The following CACNB4 variants were observed in gnomAD, a reference collection of about 807,000 sequenced individuals.
CACNB4 encodes calcium voltage-gated channel auxiliary subunit beta 4.
Under a neutral mutation model 71.2 loss-of-function variants are expected in CACNB4, and 32 were observed. The observed-to-expected ratio is 0.45, with a 90% CI of 0.34 to 0.60. The LOEUF (loss-of-function observed/expected upper bound fraction) is 0.60. CACNB4 is among the 20% of genes least tolerant of loss of function. The pLI is 0.01. For synonymous variants in CACNB4, 231 were observed against 236.9 expected, an observed-to-expected ratio of 0.97 and a Z score of 0.23; for missense variants, 464 against 647.9, an observed-to-expected ratio of 0.72 and a Z score of 3.08.
At chr2:151,870,654 C>G in intron 7 of CACNB4, 43 bp from the exon 8 acceptor site, 1 of 1,463,242 alleles carries the variant, frequency 6.8e-7, no homozygotes. Flanking sequence ...TGAGGTTGAG[C>G]ATGCCTCTCC....
chr2:151,964,069 GAAAAAA>G (rs397825547), intron 2 of CACNB4, among the ~76,000 whole-genome samples: 3 of 99,266 alleles, frequency 3.0e-5, no homozygotes, highest in Non-Finnish European at 5.5e-5. Flanking sequence ...CTGTCTCACA[GAAAAAA>G]AAAAAAAAAA....
At chr2:151,869,979 C>T (rs2151405001) in intron 8 of CACNB4, 1 of 525,900 alleles carries the variant, frequency 1.9e-6, no homozygotes, top group East Asian at 3.2e-5. Flanking sequence ...GAAGTCTCTA[C>T]TCTTTTCCTT....
chr2:151,948,964 T>C (rs778550584), intron 2 of CACNB4, among the ~76,000 whole-genome samples: 5 of 152,090 alleles, frequency 3.3e-5, no homozygotes, highest in Non-Finnish European at 5.9e-5. Context: ...CATTGGTATC[T>C]ACTTCCTGTC....
intron 2 of CACNB4, chr2:151,970,673 C>G (rs1441395165): frequency 6.6e-6 from 1 of 152,210 alleles, no homozygotes; most frequent in Non-Finnish European, 1.5e-5. Context: ...TCTTATATAG[C>G]AGCTAATGTA....
At chr2:151,926,425 A>G (rs1466934018) in intron 2 of CACNB4, among the ~76,000 whole-genome samples, 1 of 152,234 alleles carries the variant, frequency 6.6e-6, no homozygotes, top group East Asian at 1.9e-4. Flanking sequence ...GCCTGATCAG[A>G]GCAGACTCAA....
At chr2:152,044,937 G>GGGGAAAGAGAAGAT (rs1451291457) in intron 2 of CACNB4, among the ~76,000 whole-genome samples, 3 of 152,308 alleles carry the variant, frequency 2.0e-5, no homozygotes, top group Admixed American at 2.0e-4. Context: ...AATTGAAGCA[G>GGGGAAAGAGAAGAT]GGGAAAGAGA....
At chr2:151,935,543 T>A (rs1001184022) in intron 2 of CACNB4, among the ~76,000 whole-genome samples, 3 of 152,254 alleles carry the variant, frequency 2.0e-5, no homozygotes, top group Non-Finnish European at 4.4e-5. Flanking sequence ...AACCTGGTTA[T>A]CTGAACCTAG....
intron 2 of CACNB4, among the ~76,000 whole-genome samples, chr2:151,976,456 GA>G (rs1391624911): frequency 1.1e-4 from 17 of 152,102 alleles, no homozygotes; most frequent in Admixed American, 1.1e-3. Flanking sequence ...CTTTTTTGGG[GA>G]AATTCCTATT....
intron 2 of CACNB4, among the ~76,000 whole-genome samples, chr2:151,942,442 A>T (rs2099864493): frequency 6.7e-6 from 1 of 149,200 alleles, no homozygotes; most frequent in African/African-American, 2.6e-5. Context: ...TAACTGTACA[A>T]ATTGATTGTA....
rs530264086 is a variant in CACNB4 at position 152,092,122 on chromosome 2, T to C, written c.147+6208A>G. Among the ~76,000 whole-genome samples, 4 of 152,342 alleles carry C rather than the reference T, an allele frequency of 2.6e-5. No homozygotes were observed. The East Asian group carries it at 7.7e-4, about 29-fold the overall frequency. On this transcript the variant is annotated intron_variant, in intron 2 of 13. Transcript: ENST00000539935. ...ATCCCTTGTGTCTGTTCTACCATTA[T>C]CTATTGGTATGACCTTTATGTCCTT...
At chr2:151,860,396 T>G (rs1219739296) in intron 10 of CACNB4, 16 of 375,840 alleles carry the variant, frequency 4.3e-5, no homozygotes, top group Non-Finnish European at 6.3e-5. Context: ...ACAGATATCA[T>G]TAGCCTTGTT....
chr2:152,037,093 ATTCTTGCGGGGGCATAGG>A (rs1448882021), intron 2 of CACNB4, among the ~76,000 whole-genome samples: 1 of 152,164 alleles, frequency 6.6e-6, no homozygotes, highest in African/African-American at 2.4e-5. Context: ...AGGCCAGTTG[ATTCTTGCGGGGGCATAGG>A]TTCCCAAGCA....
chr2:152,054,345 G>A (rs1423294334), intron 2 of CACNB4, among the ~76,000 whole-genome samples: 2 of 130,540 alleles, frequency 1.5e-5, no homozygotes, highest in Non-Finnish European at 3.1e-5. Flanking sequence ...CAGCCTGGGC[G>A]ACAAAGCAAA....
rs191291820 is a variant in CACNB4, at chr2:152,026,542, G to A, written c.147+71788C>T. Among the ~76,000 whole-genome samples, 7 of 152,102 alleles carry A rather than the reference G, an allele frequency of 4.6e-5. No homozygotes were observed. The East Asian group carries it at 9.7e-4, about 21-fold the overall frequency. ...TGGGAATACAGGTGCATGCCACCACGCGCAGCTAATTTTTGTACTTTTAGC... is the reference window on the plus strand; with the variant it reads ...TGGGAATACAGGTGCATGCCACCACACGCAGCTAATTTTTGTACTTTTAGC... On this transcript the variant is annotated intron_variant, in intron 2 of 13. Coordinates refer to ENST00000539935, the MANE Select transcript of CACNB4 (RefSeq NM_000726.5).
At chr2:152,038,753 C>T (rs11691573) in intron 2 of CACNB4, among the ~76,000 whole-genome samples, 43,050 of 152,096 alleles carry the variant, frequency 0.28, 6,328 homozygotes, top group Middle Eastern at 0.43. Context: ...TGTGGCCACA[C>T]AGATGGGGAC....
At chr2:151,926,129 A>C (rs1035458544) in intron 2 of CACNB4, among the ~76,000 whole-genome samples, 3 of 152,184 alleles carry the variant, frequency 2.0e-5, no homozygotes, top group Non-Finnish European at 4.4e-5. Flanking sequence ...AAATGAAAGA[A>C]TGTATATAGG....
At chr2:152,068,530 G>A (rs1049733149) in intron 2 of CACNB4, among the ~76,000 whole-genome samples, 2 of 152,134 alleles carry the variant, frequency 1.3e-5, no homozygotes, top group African/African-American at 4.8e-5. Flanking sequence ...GCTACAAAAT[G>A]CTAAGTTGGA....
chr2:152,034,868 A>G (rs1188017254), intron 2 of CACNB4, among the ~76,000 whole-genome samples: 1 of 152,140 alleles, frequency 6.6e-6, no homozygotes, highest in Admixed American at 6.5e-5. Context: ...ACTGGTTTCA[A>G]CTTTCTATTC....
intron 2 of CACNB4, among the ~76,000 whole-genome samples, chr2:151,985,536 AC>A (rs1386250463): frequency 2.6e-5 from 4 of 152,328 alleles, no homozygotes; most frequent in African/African-American, 9.6e-5. Flanking sequence ...CTGCCAATTT[AC>A]ATACCTATTA....
Sources: gnomAD v4.1 joint callset for allele counts (sites outside exome capture counted in the v4.1 genomes callset) on GRCh38, gnomAD v4.1.1 for gene constraint, MANE v1.5 for transcripts, NCBI Gene and HGNC (gene_info 2026-07-23, HGNC 2026-07-21) for gene names.